Variants in ELMO1 observed in about 807,000 individuals in gnomAD.
ELMO1 encodes engulfment and cell motility protein 1.
ELMO1 carries 26 observed loss-of-function variants against 98.9 expected under a neutral mutation model. The observed-to-expected ratio is 0.26, with a 90% CI of 0.19 to 0.36. ELMO1 has a LOEUF of 0.36. ELMO1 is among the 10% of genes least tolerant of loss of function. ELMO1 has a pLI of 1.00. For synonymous variants in ELMO1, 346 were observed against 346.0 expected (o/e 1.00, Z 0.00); for missense variants, 627 against 935.2 (o/e 0.67, Z 4.30).
At chr7:37,317,831 ATTGT>A (rs1467955094) in intron 2 of ELMO1, among the ~76,000 whole-genome samples, 3 of 152,254 alleles carry the variant, frequency 2.0e-5, no homozygotes, top group Non-Finnish European at 2.9e-5. Context: ...GTATAACTGG[ATTGT>A]TTGTAACACA....
intron 1 of ELMO1, among the ~76,000 whole-genome samples, chr7:37,391,056 C>CTTCT (rs1803055189): frequency 6.7e-6 from 1 of 148,690 alleles, no homozygotes; most frequent in African/African-American, 2.5e-5. Context: ...TCCTTCCTTC[C>CTTCT]TTCCTCCCTC....
chr7:37,271,012 C>T (rs1796530478), intron 5 of ELMO1: 1 of 151,850 alleles, frequency 6.6e-6, no homozygotes, highest in Non-Finnish European at 1.5e-5. Flanking sequence ...TACCTCTGCT[C>T]ACTGCAAGCT....
chr7:36,901,847 A>C (rs1291107191), intron 16 of ELMO1, among the ~76,000 whole-genome samples: 2 of 152,202 alleles, frequency 1.3e-5, no homozygotes, highest in African/African-American at 4.8e-5. Context: ...ACGTATCTTC[A>C]CAAGATGACT....
In ELMO1 at chr7:36,931,565, C is replaced by T. The variant is rs375165166; in HGVS notation, c.1438-36548G>A. ...GCAGTGAGCCGAGATTGCATCACTG[C>T]ACTCCAGCTTGGCAACACAGCGAGA... On this transcript the variant is annotated intron_variant, in intron 16 of 21. Coordinates refer to ENST00000310758, the MANE Select transcript of ELMO1 (RefSeq NM_014800.11). Among the ~76,000 whole-genome samples, 216 of 152,332 alleles carry T rather than the reference C, an allele frequency of 1.4e-3. 5 individuals are homozygous for T. The South Asian group carries it at 0.044, about 31-fold the overall frequency.
At chr7:37,445,044 A>G (rs756857574) in intron 1 of ELMO1, among the ~76,000 whole-genome samples, 1 of 152,240 alleles carries the variant, frequency 6.6e-6, no homozygotes, top group Non-Finnish European at 1.5e-5. Context: ...ATCGTTACCT[A>G]CACTGAGCAA....
chr7:37,013,269 T>C (rs1584514341), intron 16 of ELMO1, 30 bp downstream of exon 16: 1 of 1,612,210 alleles, frequency 6.2e-7, no homozygotes, highest in Admixed American at 1.7e-5. Flanking sequence ...GCTGCGGGAA[T>C]CCCCTGCCTC....
At chr7:37,023,137 G>C (rs1794371029) in intron 15 of ELMO1, among the ~76,000 whole-genome samples, 1 of 152,210 alleles carries the variant, frequency 6.6e-6, no homozygotes, top group African/African-American at 2.4e-5. Flanking sequence ...TGGCCCAAGA[G>C]GGGGCCTCTG....
At chr7:36,881,804 C>T (rs1804484547) in intron 18 of ELMO1, among the ~76,000 whole-genome samples, 1 of 152,182 alleles carries the variant, frequency 6.6e-6, no homozygotes, top group Admixed American at 6.5e-5. Flanking sequence ...TTTTGCAGTG[C>T]CCTCCTACAG....
chr7:37,444,795 T>C (rs1805543032), intron 1 of ELMO1, among the ~76,000 whole-genome samples: 1 of 152,154 alleles, frequency 6.6e-6, no homozygotes, highest in African/African-American at 2.4e-5. Flanking sequence ...ATTAGAGGCG[T>C]GAGCCACCGC....
chr7:37,052,981 T>C (rs1343598371), intron 15 of ELMO1, among the ~76,000 whole-genome samples: 1 of 152,198 alleles, frequency 6.6e-6, no homozygotes, highest in Non-Finnish European at 1.5e-5. Context: ...GCAGATGTCT[T>C]GGGGTTGGGT....
chr7:37,122,483 A>T (rs867816556), intron 14 of ELMO1, among the ~76,000 whole-genome samples: 1 of 152,208 alleles, frequency 6.6e-6, no homozygotes, highest in South Asian at 2.1e-4. Context: ...CAGGGGTTGG[A>T]ATCCTAGTCT....
chr7:37,359,756 C>G (rs1801628434), intron 1 of ELMO1, among the ~76,000 whole-genome samples: 1 of 152,184 alleles, frequency 6.6e-6, no homozygotes, highest in African/African-American at 2.4e-5. Flanking sequence ...GGCACATTAT[C>G]CCTGACTCTG....
At chr7:37,092,900 A>T (rs147293471) in intron 15 of ELMO1, among the ~76,000 whole-genome samples, 3 of 149,936 alleles carry the variant, frequency 2.0e-5, no homozygotes, top group Non-Finnish European at 3.0e-5. Flanking sequence ...CTCTGTCTAC[A>T]CTGTCTTTCT....
At chr7:36,881,988 C>T (rs968756141) in intron 18 of ELMO1, among the ~76,000 whole-genome samples, 3 of 152,202 alleles carry the variant, frequency 2.0e-5, no homozygotes, top group Non-Finnish European at 4.4e-5. Context: ...TGGGGCTGGT[C>T]CCTGGGTCTC....
chr7:37,073,353 A>G (rs1797382070), intron 15 of ELMO1, among the ~76,000 whole-genome samples: 1 of 152,214 alleles, frequency 6.6e-6, no homozygotes, highest in Non-Finnish European at 1.5e-5. Flanking sequence ...TTATATATAC[A>G]TGTATATGCA....
chr7:37,108,241 G>T (rs1427942910), intron 14 of ELMO1, among the ~76,000 whole-genome samples: 1 of 152,058 alleles, frequency 6.6e-6, no homozygotes, highest in South Asian at 2.1e-4. Context: ...CCTGCTAGAG[G>T]AAGGATCTCC....
intron 14 of ELMO1, among the ~76,000 whole-genome samples, chr7:37,118,917 ATG>A (rs1299013775): frequency 6.6e-6 from 1 of 152,200 alleles, no homozygotes; most frequent in Non-Finnish European, 1.5e-5. Flanking sequence ...CCACCTCCAT[ATG>A]AATCTATAAG....
At chr7:37,378,195 G>A (rs978334809) in intron 1 of ELMO1, among the ~76,000 whole-genome samples, 1 of 152,232 alleles carries the variant, frequency 6.6e-6, no homozygotes, top group African/African-American at 2.4e-5. Flanking sequence ...GCCATGCTGG[G>A]ATGGGGACTC....
chr7:37,113,451 A>G (rs1276322389), intron 14 of ELMO1, among the ~76,000 whole-genome samples: 1 of 152,250 alleles, frequency 6.6e-6, no homozygotes, highest in East Asian at 1.9e-4. Context: ...TAAGGTAGAC[A>G]GGGAGCAAGA....
Sources: gnomAD v4.1 joint callset for allele counts (sites outside exome capture counted in the v4.1 genomes callset) on GRCh38, gnomAD v4.1.1 for gene constraint, MANE v1.5 for transcripts, NCBI Gene and HGNC (gene_info 2026-07-23, HGNC 2026-07-21) for gene names.